The following MAD2L1 variants were observed in gnomAD, a reference collection of about 807,000 sequenced individuals.
MAD2L1 encodes mitotic spindle assembly checkpoint protein MAD2A.
A neutral mutation model predicts 25.9 loss-of-function variants in MAD2L1; 10 were observed. That is an observed-to-expected ratio of 0.39 (90% confidence interval 0.24 to 0.66). The LOEUF (loss-of-function observed/expected upper bound fraction) is 0.66. Among genes scored for constraint, MAD2L1 ranks in the 30% least tolerant of loss-of-function variants. The pLI, the probability that MAD2L1 is intolerant of heterozygous loss-of-function variation, is 0.49. For missense variants in MAD2L1, 180 were observed against 246.4 expected, an observed-to-expected ratio of 0.73 and a Z score of 1.80; for synonymous variants, 81 against 91.8, an observed-to-expected ratio of 0.88 and a Z score of 0.67.
rs1227439582 is a variant in MAD2L1 at position 120,060,558 on chromosome 4, A to G, written c.446-268T>C. ...AGCACAAGAATAGTGATGCCAGCAT[A>G]TTGTTATAATTGTTCCAGTTTATTA... On this transcript the variant is annotated intron_variant, in intron 4 of 4. Transcript: ENST00000296509. Among the ~76,000 whole-genome samples the G allele has an allele frequency of 9.2e-5, 14 of 152,146 alleles. 1 individual carries two copies. The highest frequency in any genetic ancestry group is 8.5e-4 in the Admixed American group (13 of 15,280).
At chr4:120,061,039 A>T (rs1726207626) in intron 3 of MAD2L1, 62 bp from the exon 4 acceptor site, 1 of 944,050 alleles carries the variant, frequency 1.1e-6, no homozygotes, top group African/African-American at 1.6e-5. Context: ...TTTCAAACAT[A>T]GTGGTTAGAT....
In MAD2L1 at chr4:120,059,996, T is replaced by C. The variant is rs1726183173; in HGVS notation, c.*122A>G. On this transcript the variant is annotated 3_prime_UTR_variant, in exon 5 of 5. Coordinates refer to ENST00000296509, the MANE Select transcript of MAD2L1 (RefSeq NM_002358.4). The stretch of plus-strand genomic sequence containing the variant: ...ACAATTACACACAGTTCAGTAAGTA[T>C]CATTTTGGTTTTCTCCATGTAAAAA... The C allele has an allele frequency of 2.6e-6, 2 of 778,564 alleles. No homozygotes were observed. The highest frequency in any genetic ancestry group is 2.1e-6 in the Non-Finnish European group (1 of 487,398). The allele number at this position is 778,564 out of a possible 1,614,324, so 48.2% of individuals were successfully genotyped here.
rs1251755986 is a variant in MAD2L1, at chr4:120,055,691, A to T, written c.*4427T>A. ...TAGAAATATTTCATACATTTAAAAAAAGAATAAGAAATTATTTACAAGTTA... is the reference window on the plus strand; with the variant it reads ...TAGAAATATTTCATACATTTAAAAATAGAATAAGAAATTATTTACAAGTTA... On this transcript the variant is annotated 3_prime_UTR_variant, in exon 5 of 5. Transcript: ENST00000296509. 1 of 152,198 alleles carries T rather than the reference A, an allele frequency of 6.6e-6. No individual in the cohort carries two copies. Among genetic ancestry groups the T allele is most frequent in the Non-Finnish European group, 1.5e-5 (1 of 68,034 alleles). The allele number at this position is 152,198 out of a possible 1,614,324, so 9.4% of individuals were successfully genotyped here.
rs376560367 is a variant in MAD2L1 at position 120,056,029 on chromosome 4, G to C, written c.*4089C>G. The stretch of plus-strand genomic sequence containing the variant: ...CACTTTATTGCTAAAAGGATGTAAA[G>C]GGTAAGAGGAAAAAGGTGACGAAAC... On this transcript the variant is annotated 3_prime_UTR_variant, in exon 5 of 5. Coordinates refer to ENST00000296509, the MANE Select transcript of MAD2L1 (RefSeq NM_002358.4). 11 of 152,322 alleles carry C rather than the reference G, an allele frequency of 7.2e-5. No individual in the cohort carries two copies. The East Asian group carries it at 1.3e-3, about 19-fold the overall frequency. 9.4% of individuals were successfully genotyped at this position (152,322 alleles called of 1,614,324 possible).
At chr4:120,065,532 C>T (rs2110509649) in intron 2 of MAD2L1, 140 bp downstream of exon 2, 1 of 680,986 alleles carries the variant, frequency 1.5e-6, no homozygotes, top group East Asian at 2.8e-5. Flanking sequence ...GTATTTCTTC[C>T]ATTTTATATA....
rs927142485 is a variant in MAD2L1, at chr4:120,059,261, G to T, written c.*857C>A. 6.6e-6 allele frequency: 1 copy of T among 152,144 alleles called. No individual in the cohort carries two copies. The highest frequency in any genetic ancestry group is 2.4e-5 in the African/African-American group (1 of 41,426). The allele number at this position is 152,144 out of a possible 1,614,324, so 9.4% of individuals were successfully genotyped here. A position where few individuals can be genotyped will look rare whatever the true frequency, so the allele number is the denominator to read the frequency against. The stretch of plus-strand genomic sequence containing the variant: ...AAGTCTATTGCTATGAGATGAACAG[G>T]ATGTGATCAAAGTTTATCCATTAGA... On this transcript the variant is annotated 3_prime_UTR_variant, in exon 5 of 5. Transcript: ENST00000296509.
rs1332429275 is a variant in MAD2L1, at chr4:120,055,890, T to C, written c.*4228A>G. Reference sequence around the variant, plus strand: ...TCTGTATTTGGTTCCTCCCAATCATTGGTCAAAGTCATCTGACAACAGACT... The same window carrying C: ...TCTGTATTTGGTTCCTCCCAATCATCGGTCAAAGTCATCTGACAACAGACT... On this transcript the variant is annotated 3_prime_UTR_variant, in exon 5 of 5. Coordinates refer to ENST00000296509, the MANE Select transcript of MAD2L1 (RefSeq NM_002358.4). The C allele has an allele frequency of 6.6e-6, 1 of 152,210 alleles. No individual in the cohort carries two copies. Among genetic ancestry groups the C allele is most frequent in the Non-Finnish European group, 1.5e-5 (1 of 68,030 alleles). The allele number at this position is 152,210 out of a possible 1,614,324, so 9.4% of individuals were successfully genotyped here.
intron 2 of MAD2L1, 79 bp from the exon 3 acceptor site, chr4:120,062,174 A>T: frequency 7.4e-7 from 1 of 1,349,070 alleles, no homozygotes; most frequent in Non-Finnish European, 1.0e-6. Context: ...CCCACTCCCT[A>T]TCCTCAGCAA....
In MAD2L1 at chr4:120,057,284, A is replaced by G. The variant is rs555270448; in HGVS notation, c.*2834T>C. 9.9e-5 allele frequency: 15 copies of G among 152,254 alleles called. No individual in the cohort carries two copies. The East Asian group carries it at 2.9e-3, about 29-fold the overall frequency. The allele number at this position is 152,254 out of a possible 1,614,324, so 9.4% of individuals were successfully genotyped here. On this transcript the variant is annotated 3_prime_UTR_variant, in exon 5 of 5. Coordinates refer to ENST00000296509, the MANE Select transcript of MAD2L1 (RefSeq NM_002358.4). ...CATCAAACTTCTCGGTGCCATTCCC[A>G]CCACCTCCATGGGAGGAGTATACTT... is the stretch of plus-strand genomic sequence containing the variant.
intron 1 of MAD2L1, 128 bp downstream of exon 1, chr4:120,066,534 C>T: frequency 1.3e-6 from 1 of 755,848 alleles, no homozygotes; most frequent in Non-Finnish European, 2.1e-6. Flanking sequence ...GTTAGCAACG[C>T]GTCTGGAGGA....
rs1726154171 is a variant in MAD2L1 at position 120,058,766 on chromosome 4, AAG to A, written c.*1350_*1351del. 1 of 152,238 alleles carries A rather than the reference AAG, an allele frequency of 6.6e-6. No homozygotes were observed. Among genetic ancestry groups the A allele is most frequent in the Non-Finnish European group, 1.5e-5 (1 of 68,038 alleles). 9.4% of individuals were successfully genotyped at this position (152,238 alleles called of 1,614,324 possible). A position where few individuals can be genotyped will look rare whatever the true frequency, so the allele number is the denominator to read the frequency against. ...GGTCCACTTATTCCATAAAGATATG[AAG>A]AGTCTACAAATTTGTCACTGAGAAC... On this transcript the variant is annotated 3_prime_UTR_variant, in exon 5 of 5. Transcript: ENST00000296509.
Position 120,066,842 on chromosome 4 carries a change from T to G in MAD2L1, c.-108A>C. 3 of 785,962 alleles carry G rather than the reference T, an allele frequency of 3.8e-6. No homozygotes were observed. The South Asian group carries it at 5.2e-5, about 13-fold the overall frequency. The allele number at this position is 785,962 out of a possible 1,614,324, so 48.7% of individuals were successfully genotyped here. On this transcript the variant is annotated 5_prime_UTR_variant, in exon 1 of 5. Coordinates refer to ENST00000296509, the MANE Select transcript of MAD2L1 (RefSeq NM_002358.4). Reference sequence around the variant, plus strand: ...GTTTCAAAAGTAACGACGCAGCACGTCGTCAGGTCCTTTGCGCAGGCGCGA... The same window carrying G: ...GTTTCAAAAGTAACGACGCAGCACGGCGTCAGGTCCTTTGCGCAGGCGCGA...
At chr4:120,064,388 ACCAATCTACTATAGC>A (rs1726278420) in intron 2 of MAD2L1, among the ~76,000 whole-genome samples, 1 of 152,164 alleles carries the variant, frequency 6.6e-6, no homozygotes, top group South Asian at 2.1e-4. Context: ...TTTTGACAAT[ACCAATCTACTATAGC>A]AGAAGTTCTC....
chr4:120,065,627 C>T (rs1203667894), intron 2 of MAD2L1, 45 bp downstream of exon 2: 1 of 1,598,342 alleles, frequency 6.3e-7, no homozygotes, highest in African/African-American at 1.3e-5. Flanking sequence ...GCTTAAGATG[C>T]TAGAAAATCT....
Position 120,065,737 on chromosome 4 carries a change from G to A in MAD2L1, c.155C>T (p.Thr52Ile), listed in dbSNP as rs1726304003. The part of the protein sequence containing the change: ...TFTRVQKYGL[T>I]LLVTTDLELI... Reference sequence around the variant, plus strand: ...CTCAAGATCAGTAGTTACAAGCAAGGTGAGTCCGTATTTCTGCACTCGAGT... The same window carrying A: ...CTCAAGATCAGTAGTTACAAGCAAGATGAGTCCGTATTTCTGCACTCGAGT... The change falls in exon 2 of 5, where the codon ACC becomes ATC. Residue 52 changes from threonine to isoleucine, a missense_variant. Coordinates refer to ENST00000296509, the MANE Select transcript of MAD2L1 (RefSeq NM_002358.4). 2 of 1,613,610 alleles carry A rather than the reference G, an allele frequency of 1.2e-6. No individual in the cohort carries two copies. The highest frequency in any genetic ancestry group is 2.2e-5 in the East Asian group (1 of 44,876).
chr4:120,060,574 C>T (rs1369089027), intron 4 of MAD2L1, among the ~76,000 whole-genome samples: 2 of 152,134 alleles, frequency 1.3e-5, no homozygotes, highest in Non-Finnish European at 2.9e-5. Context: ...ATAATTGTTC[C>T]AGTTTATTAT....
chr4:120,066,523 C>A, intron 1 of MAD2L1, 139 bp downstream of exon 1: 1 of 687,342 alleles, frequency 1.5e-6, no homozygotes, highest in South Asian at 2.2e-5. Context: ...TGCAGCTCCA[C>A]GTTAGCAACG....
chr4:120,066,340 G>A (rs2110510010), intron 1 of MAD2L1, among the ~76,000 whole-genome samples: 1 of 149,992 alleles, frequency 6.7e-6, no homozygotes, highest in Admixed American at 6.6e-5. Flanking sequence ...TGCTCTCGCA[G>A]TTAAAAAAAA....
chr4:120,056,064 G>GATATGCTTGT lies in MAD2L1; in HGVS notation c.*4044_*4053dup, dbSNP rs1219778088. 1 of 152,202 alleles carries GATATGCTTGT rather than the reference G, an allele frequency of 6.6e-6. No individual in the cohort carries two copies. Among genetic ancestry groups the GATATGCTTGT allele is most frequent in the Non-Finnish European group, 1.5e-5 (1 of 68,034 alleles). The allele number at this position is 152,202 out of a possible 1,614,324, so 9.4% of individuals were successfully genotyped here. A position where few individuals can be genotyped will look rare whatever the true frequency, so the allele number is the denominator to read the frequency against. ...AAAAAGGTGACGAAACACTCCTTTTGATATGCTTGTTGGGGAGTCAGGATG... is the reference window on the plus strand; with the variant it reads ...AAAAAGGTGACGAAACACTCCTTTTGATATGCTTGTATATGCTTGTTGGGGAGTCAGGATG... On this transcript the variant is annotated 3_prime_UTR_variant, in exon 5 of 5. Coordinates refer to ENST00000296509, the MANE Select transcript of MAD2L1 (RefSeq NM_002358.4).
Sources: gnomAD v4.1 joint callset for allele counts (sites outside exome capture counted in the v4.1 genomes callset) on GRCh38, gnomAD v4.1.1 for gene constraint, MANE v1.5 for transcripts, NCBI Gene and HGNC (gene_info 2026-07-23, HGNC 2026-07-21) for gene names.